Variants in PDS5A observed in about 807,000 individuals in gnomAD.
PDS5A encodes the protein sister chromatid cohesion protein PDS5 homolog A.
In PDS5A, 42 loss-of-function variants were observed where a neutral mutation model predicts 167.1. The ratio of observed to expected loss-of-function variants is 0.25; its 90% CI spans 0.20 to 0.33. PDS5A has a LOEUF of 0.33. PDS5A is among the 10% of genes least tolerant of loss of function. The pLI, the probability that PDS5A is intolerant of heterozygous loss-of-function variation, is 1.00. For missense variants in PDS5A, 1,033 were observed against 1,605.9 expected, an observed-to-expected ratio of 0.64 and a Z score of 6.10; for synonymous variants, 553 against 554.6, an observed-to-expected ratio of 1.00 and a Z score of 0.04.
At chr4:39,889,578 T>C (rs1204790035) in intron 17 of PDS5A, among the ~76,000 whole-genome samples, 4 of 152,184 alleles carry the variant, frequency 2.6e-5, no homozygotes, top group South Asian at 2.1e-4. Flanking sequence ...GGAAAAATGA[T>C]TGGTGCAAGA....
Position 39,823,001 on chromosome 4 carries a change from G to A in PDS5A, c.*2484C>T, listed in dbSNP as rs1035633997. 6.6e-6 allele frequency: 1 copy of A among 152,580 alleles called. No homozygotes were observed. Among genetic ancestry groups the A allele is most frequent in the Non-Finnish European group, 1.5e-5 (1 of 68,024 alleles). 9.5% of individuals were successfully genotyped at this position (152,580 alleles called of 1,614,324 possible). On this transcript the variant is annotated 3_prime_UTR_variant, in exon 33 of 33. Coordinates refer to ENST00000303538, the MANE Select transcript of PDS5A (RefSeq NM_001100399.2). ...AAAAATTTAAAAATTCAGCCCATGTGCAGCACAAGAATATGCAAAACTACT... is the reference window on the plus strand; with the variant it reads ...AAAAATTTAAAAATTCAGCCCATGTACAGCACAAGAATATGCAAAACTACT...
Position 39,908,380 on chromosome 4 carries a change from T to C in PDS5A, c.1233+15A>G. 1 of 1,604,060 alleles carries C rather than the reference T, an allele frequency of 6.2e-7. No individual in the cohort carries two copies. The highest frequency in any genetic ancestry group is 8.5e-7 in the Non-Finnish European group (1 of 1,172,192). ...AACAGTAAATTACAGAAGAATAAAATGCCTCAGATTTTACCCGTTTATCCA... is the reference window on the plus strand; with the variant it reads ...AACAGTAAATTACAGAAGAATAAAACGCCTCAGATTTTACCCGTTTATCCA... On this transcript the variant is annotated intron_variant, in intron 11 of 32. Transcript: ENST00000303538.
chr4:39,881,050 C>T (rs190989610), intron 17 of PDS5A, among the ~76,000 whole-genome samples: 1 of 151,834 alleles, frequency 6.6e-6, no homozygotes, highest in African/African-American at 2.4e-5. Context: ...GTGAGAACAT[C>T]TGGTATTTAA....
At chr4:39,922,937 T>C (rs1725122792) in intron 5 of PDS5A, among the ~76,000 whole-genome samples, 189 bp from the exon 6 acceptor site, 1 of 152,210 alleles carries the variant, frequency 6.6e-6, no homozygotes, top group African/African-American at 2.4e-5. Flanking sequence ...TTTTGTTGAC[T>C]ATTACAACAG....
intron 6 of PDS5A, 61 bp downstream of exon 6, chr4:39,922,561 C>A: frequency 1.5e-6 from 2 of 1,375,398 alleles, no homozygotes; most frequent in South Asian, 2.0e-5. Flanking sequence ...AACAACTGTT[C>A]ATTCTTATGT....
rs116383141 is a variant in PDS5A at position 39,923,231 on chromosome 4, G to A, written c.528-483C>T. 6.0e-3 allele frequency among the ~76,000 whole-genome samples: 913 copies of A among 151,214 alleles called. 3 individuals are homozygous for A. Among genetic ancestry groups the A allele is most frequent in the South Asian group, 0.012 (59 of 4,792 alleles). On this transcript the variant is annotated intron_variant, in intron 5 of 32. Transcript: ENST00000303538. The stretch of plus-strand genomic sequence containing the variant: ...GAATTCCAGTTTCTGGGGAGGCTAA[G>A]GCGGAAGAATCACTTGAAACTGGGA...
chr4:39,872,025 GGT>G (rs1463185307), intron 21 of PDS5A, among the ~76,000 whole-genome samples: 1 of 152,016 alleles, frequency 6.6e-6, no homozygotes, highest in African/African-American at 2.4e-5. Context: ...TCTTAATCAA[GGT>G]GTGTTTCCGA....
Position 39,902,423 on chromosome 4 carries a change from G to C in PDS5A, c.1423C>G (p.Pro475Ala). Residue 475 changes from proline (P) to alanine (A), a missense_variant, in exon 13 of 33, where the codon CCC becomes GCC. By Grantham distance (27) the Pro-to-Ala change is conservative. Coordinates refer to ENST00000303538, the MANE Select transcript of PDS5A (RefSeq NM_001100399.2). Reference protein sequence around the residue: ...VEKIFAQYLVPHNLETEERMK... With the variant: ...VEKIFAQYLVAHNLETEERMK... Reference sequence around the variant, plus strand: ...CTCTCTTCTGTTTCCAGGTTGTGGGGGACAAGATACTGAGCAAAGATTTTC... The same window carrying C: ...CTCTCTTCTGTTTCCAGGTTGTGGGCGACAAGATACTGAGCAAAGATTTTC... 6.3e-7 allele frequency: 1 copy of C among 1,589,258 alleles called. No individual in the cohort carries two copies. Among genetic ancestry groups the C allele is most frequent in the Non-Finnish European group, 8.6e-7 (1 of 1,162,614 alleles).
chr4:39,922,654 A>G lies in PDS5A; in HGVS notation c.622T>C (p.Ser208Pro). The G allele has an allele frequency of 6.2e-7, 1 of 1,601,350 alleles. No individual in the cohort carries two copies. The change falls in exon 6 of 33, where the codon TCC becomes CCC. Residue 208 changes from serine to proline, a missense_variant. By Grantham distance (74) the Ser-to-Pro change is moderately conservative. Around this residue, in one of 4 missense-constraint regions of PDS5A, gnomAD observed 388 missense variants for 615.1 expected, o/e 0.63. Transcript: ENST00000303538. The part of the protein sequence containing the change: ...GDGVTQELLD[S>P]ILINLIPAHK... ...GCAGGAATGAGGTTAATAAGAATGG[A>G]GTCCAATAATTCTTGAGTAACTCCA...
intron 26 of PDS5A, among the ~76,000 whole-genome samples, chr4:39,852,387 TAC>T (rs1023385513): frequency 6.6e-5 from 10 of 152,166 alleles, no homozygotes; most frequent in African/African-American, 2.2e-4. Context: ...TCCTACGAAG[TAC>T]ACAGATTCCC....
intron 22 of PDS5A, among the ~76,000 whole-genome samples, chr4:39,867,309 A>AG (rs1719546865): frequency 6.6e-6 from 1 of 152,088 alleles, no homozygotes; most frequent in Admixed American, 6.5e-5. Flanking sequence ...CTTGCTTAAA[A>AG]GTCTGGTTCC....
intron 2 of PDS5A, among the ~76,000 whole-genome samples, chr4:39,963,205 C>T (rs1215785385): frequency 6.6e-6 from 1 of 151,694 alleles, no homozygotes; most frequent in Non-Finnish European, 1.5e-5. Flanking sequence ...GCTGTAATCC[C>T]AGCACTTTGG....
intron 2 of PDS5A, among the ~76,000 whole-genome samples, chr4:39,967,985 CAAGA>C (rs1400399674): frequency 6.6e-6 from 1 of 152,002 alleles, no homozygotes; most frequent in African/African-American, 2.4e-5. Flanking sequence ...TCCAAAGTAG[CAAGA>C]AAGAAAGAAA....
At chr4:39,884,399 A>T (rs904709096) in intron 17 of PDS5A, among the ~76,000 whole-genome samples, 1 of 152,208 alleles carries the variant, frequency 6.6e-6, no homozygotes, top group African/African-American at 2.4e-5. Context: ...GAGCTGGGCC[A>T]GTAAAAAACA....
chr4:39,926,759 G>GTTT lies in PDS5A; in HGVS notation c.429+13_429+15dup, dbSNP rs78652598. ...TGAAATAATGTTAATAGTTATTAAAGTTTTTTTTTTTTTACCTCTAATAAA... is the reference window on the plus strand; with the variant it reads ...TGAAATAATGTTAATAGTTATTAAAGTTTTTTTTTTTTTTTTACCTCTAATAAA... On this transcript the variant is annotated intron_variant, in intron 4 of 32. Transcript: ENST00000303538. The GTTT allele has an allele frequency of 6.7e-5, 70 of 1,049,164 alleles. No individual in the cohort carries two copies. The highest frequency in any genetic ancestry group is 1.7e-4 in the South Asian group (8 of 48,130). 65.0% of individuals were successfully genotyped at this position (1,049,164 alleles called of 1,614,324 possible). A position where few individuals can be genotyped will look rare whatever the true frequency, so the allele number is the denominator to read the frequency against.
At chr4:39,933,220 G>A (rs921685227) in intron 2 of PDS5A, 1 of 152,120 alleles carries the variant, frequency 6.6e-6, no homozygotes, top group African/African-American at 2.4e-5. Context: ...TCAGTTTGCT[G>A]AGAATGAACT....
chr4:39,948,828 T>A (rs1249459377), intron 2 of PDS5A, among the ~76,000 whole-genome samples: 1 of 152,034 alleles, frequency 6.6e-6, no homozygotes, highest in Non-Finnish European at 1.5e-5. Flanking sequence ...TTTCACCATG[T>A]TGGCCAGGCT....
At chr4:39,922,516 T>G in intron 6 of PDS5A, 106 bp downstream of exon 6, 44 of 984,288 alleles carry the variant, frequency 4.5e-5, no homozygotes, top group Non-Finnish European at 5.7e-5. Flanking sequence ...AGAACGGTCA[T>G]GAGAACAATT....
At chr4:39,974,312 T>TC in intron 2 of PDS5A, 1 of 528,636 alleles carries the variant, frequency 1.9e-6, no homozygotes, top group Admixed American at 2.0e-5. Flanking sequence ...ATGAGTCATG[T>TC]CAACAGAGCG....
Sources: gnomAD v4.1 joint callset for allele counts (sites outside exome capture counted in the v4.1 genomes callset) on GRCh38, gnomAD v4.1.1 for gene constraint, gnomAD v4.1.1 regional missense constraint, MANE v1.5 for transcripts, NCBI Gene and HGNC (gene_info 2026-07-23, HGNC 2026-07-21) for gene names.